OSBPL6: variants seen among roughly 807,000 people sequenced by gnomAD.
OSBPL6 encodes oxysterol binding protein like 6.
Under a neutral mutation model 125.8 loss-of-function variants are expected in OSBPL6, and 49 were observed. The observed-to-expected ratio is 0.39, with a 90% CI of 0.31 to 0.49. OSBPL6 has a LOEUF of 0.49. Ranked by LOEUF, OSBPL6 falls within the 20% of genes least tolerant of loss-of-function variation. The pLI is 0.88. For synonymous variants in OSBPL6, 394 were observed against 391.8 expected (o/e 1.01, Z -0.07); for missense variants, 986 against 1,135.4 (o/e 0.87, Z 1.89).
intron 1 of OSBPL6, among the ~76,000 whole-genome samples, chr2:178,208,972 A>G (rs1486823648): frequency 6.6e-6 from 1 of 152,142 alleles, no homozygotes; most frequent in East Asian, 1.9e-4. Context: ...AGAATATTCA[A>G]GGCTTTAGTC....
intron 23 of OSBPL6, 89 bp downstream of exon 23, chr2:178,392,627 G>C: frequency 1.3e-6 from 2 of 1,494,854 alleles, no homozygotes; most frequent in East Asian, 4.8e-5. Context: ...AGGCTGAGGA[G>C]GGAAGATCAC....
At chr2:178,290,423 G>C (rs961094071) in intron 2 of OSBPL6, among the ~76,000 whole-genome samples, 1 of 50,196 alleles carries the variant, frequency 2.0e-5, no homozygotes. Context: ...TAATTGTAGT[G>C]GTTTTTTTTT....
At chr2:178,209,045 T>G (rs535834844) in intron 1 of OSBPL6, among the ~76,000 whole-genome samples, 3 of 152,290 alleles carry the variant, frequency 2.0e-5, no homozygotes, top group South Asian at 2.1e-4. Flanking sequence ...AACCTAAGTT[T>G]GTTTTTCTGT....
chr2:178,237,342 TG>T (rs1258655026), intron 1 of OSBPL6, among the ~76,000 whole-genome samples: 2 of 99,748 alleles, frequency 2.0e-5, no homozygotes, highest in Non-Finnish European at 3.9e-5. Flanking sequence ...TTTCTCAATT[TG>T]TTTTTTTGTT....
At chr2:178,386,497 T>G (rs1694943504) in intron 19 of OSBPL6, among the ~76,000 whole-genome samples, 1 of 152,240 alleles carries the variant, frequency 6.6e-6, no homozygotes, top group Non-Finnish European at 1.5e-5. Flanking sequence ...TTGGAGATTT[T>G]TTTTAACTGT....
At chr2:178,238,647 G>T (rs1300613367) in intron 1 of OSBPL6, among the ~76,000 whole-genome samples, 1 of 152,172 alleles carries the variant, frequency 6.6e-6, no homozygotes, top group Non-Finnish European at 1.5e-5. Flanking sequence ...TATTCAGACT[G>T]CAAAAGTTAT....
At chr2:178,281,986 G>T (rs1684236386) in intron 1 of OSBPL6, among the ~76,000 whole-genome samples, 1 of 152,156 alleles carries the variant, frequency 6.6e-6, no homozygotes, top group African/African-American at 2.4e-5. Context: ...CAGAATTAAG[G>T]TCCGGTCCCT....
chr2:178,321,312 T>C (rs996968540), intron 3 of OSBPL6, among the ~76,000 whole-genome samples: 1 of 152,168 alleles, frequency 6.6e-6, no homozygotes, highest in Admixed American at 6.5e-5. Flanking sequence ...GAAGATGGAA[T>C]TCCAGGATGA....
chr2:178,373,861 A>G (rs1373696693), intron 14 of OSBPL6, 29 bp from the exon 15 acceptor site: 5 of 1,612,630 alleles, frequency 3.1e-6, no homozygotes, highest in East Asian at 2.2e-5. Flanking sequence ...GAGAAAAGCA[A>G]TTACACTGTA....
intron 3 of OSBPL6, among the ~76,000 whole-genome samples, chr2:178,308,224 A>C (rs574121484): frequency 7.9e-5 from 12 of 152,248 alleles, no homozygotes; most frequent in Admixed American, 2.6e-4. Flanking sequence ...AGAAGAGATC[A>C]ATTACAGTTC....
chr2:178,327,908 G>T (rs1688838948), intron 4 of OSBPL6, among the ~76,000 whole-genome samples: 1 of 152,090 alleles, frequency 6.6e-6, no homozygotes, highest in Non-Finnish European at 1.5e-5. Context: ...GTCTTATTTT[G>T]AAACTTTAAA....
intron 1 of OSBPL6, among the ~76,000 whole-genome samples, chr2:178,221,744 A>G (rs2090348199): frequency 6.6e-6 from 1 of 152,204 alleles, no homozygotes; most frequent in African/African-American, 2.4e-5. Context: ...CAGTCAACCA[A>G]CCATGTTTTG....
At chr2:178,209,297 T>A (rs1386783486) in intron 1 of OSBPL6, among the ~76,000 whole-genome samples, 1 of 152,120 alleles carries the variant, frequency 6.6e-6, no homozygotes, top group Non-Finnish European at 1.5e-5. Context: ...TTCTTTGTTT[T>A]AAATCTTCTT....
chr2:178,298,143 G>A lies in OSBPL6; in HGVS notation c.-155-7887G>A, dbSNP rs538161718. On this transcript the variant is annotated intron_variant, in intron 2 of 24. Transcript: ENST00000190611. ...CAGTATTTGTTTTTTGTTCTTTTGTGCCTAGCTTATTTCACTTTAAAATGA... is the reference window on the plus strand; with the variant it reads ...CAGTATTTGTTTTTTGTTCTTTTGTACCTAGCTTATTTCACTTTAAAATGA... Among the ~76,000 whole-genome samples, 6 of 152,172 alleles carry A rather than the reference G, an allele frequency of 3.9e-5. No homozygotes were observed. The South Asian group carries it at 1.2e-3, about 32-fold the overall frequency.
chr2:178,245,321 C>G (rs1158346102), intron 1 of OSBPL6, among the ~76,000 whole-genome samples: 1 of 152,208 alleles, frequency 6.6e-6, no homozygotes, highest in African/African-American at 2.4e-5. Flanking sequence ...AATTGCACTT[C>G]TGCTCATTTG....
chr2:178,398,149 T>A lies in OSBPL6; in HGVS notation c.*2590T>A, dbSNP rs1695960894. 1 of 152,210 alleles carries A rather than the reference T, an allele frequency of 6.6e-6. No homozygotes were observed. The highest frequency in any genetic ancestry group is 1.5e-5 in the Non-Finnish European group (1 of 68,042). 9.4% of individuals were successfully genotyped at this position (152,210 alleles called of 1,614,324 possible). On this transcript the variant is annotated 3_prime_UTR_variant, in exon 25 of 25. Coordinates refer to ENST00000190611, the MANE Select transcript of OSBPL6 (RefSeq NM_032523.4). ...AATGAAGAGACTTACTCTATTGGAATTTTCATCTACGTAGTATTTGGGCTG... is the reference window on the plus strand; with the variant it reads ...AATGAAGAGACTTACTCTATTGGAAATTTCATCTACGTAGTATTTGGGCTG...
chr2:178,336,321 G>C lies in OSBPL6; in HGVS notation c.678G>C (p.Pro226=). 1.2e-6 allele frequency: 2 copies of C among 1,613,708 alleles called. No individual in the cohort carries two copies. The highest frequency in any genetic ancestry group is 1.7e-6 in the Non-Finnish European group (2 of 1,179,910). ...MDGKMQPNSF[P]WQSPLPCSNS... ...CGTAGATGCAACCAAACAGCTTTCC[G>C]TGGCAGTCCCCTTTACCATGCAGCA... Residue 226 remains proline (P), a synonymous_variant, in exon 9 of 25, where the codon CCG becomes CCC. Transcript: ENST00000190611.
chr2:178,331,764 G>A (rs1328564588), intron 6 of OSBPL6, among the ~76,000 whole-genome samples, 159 bp downstream of exon 6: 1 of 152,138 alleles, frequency 6.6e-6, no homozygotes, highest in Non-Finnish European at 1.5e-5. Flanking sequence ...GTTCTAAAGT[G>A]TGTCAACCTA....
Position 178,388,963 on chromosome 2 carries a change from G to A in OSBPL6, c.2157-46G>A. 1.9e-6 allele frequency: 3 copies of A among 1,598,414 alleles called. No individual in the cohort carries two copies. In the South Asian group the frequency reaches 3.4e-5, roughly 18 times the overall value. On this transcript the variant is annotated intron_variant, in intron 20 of 24. Coordinates refer to ENST00000190611, the MANE Select transcript of OSBPL6 (RefSeq NM_032523.4). The stretch of plus-strand genomic sequence containing the variant: ...CTCATTAGCAGAAACAGTTATATGT[G>A]TTTGTGACCTTGGTTGTTTTTCATC...
Sources: gnomAD v4.1 joint callset for allele counts (sites outside exome capture counted in the v4.1 genomes callset) on GRCh38, gnomAD v4.1.1 for gene constraint, MANE v1.5 for transcripts, NCBI Gene and HGNC (gene_info 2026-07-23, HGNC 2026-07-21) for gene names.